The following LMBR1 variants were observed in gnomAD, a reference collection of about 807,000 sequenced individuals.
LMBR1 encodes the protein limb region 1 protein homolog.
Under a neutral mutation model 73.9 loss-of-function variants are expected in LMBR1, and 52 were observed. That is an observed-to-expected ratio of 0.70 (90% CI 0.56 to 0.89). LMBR1 has a LOEUF of 0.89. LMBR1 is among the 40% of genes least tolerant of loss of function. LMBR1 has a pLI of 0.00. For synonymous variants in LMBR1, 215 were observed against 209.4 expected (o/e 1.03, Z -0.23); for missense variants, 539 against 579.8 (o/e 0.93, Z 0.72).
chr7:156,822,088 A>C (rs966916782), intron 4 of LMBR1, among the ~76,000 whole-genome samples: 2 of 152,246 alleles, frequency 1.3e-5, no homozygotes, highest in African/African-American at 4.8e-5. Context: ...TTGCTTACGA[A>C]AACCTTCATA....
intron 5 of LMBR1, among the ~76,000 whole-genome samples, chr7:156,787,723 C>A (rs1290900483): frequency 1.3e-5 from 2 of 152,168 alleles, no homozygotes; most frequent in East Asian, 3.8e-4. Context: ...AAGTAACATT[C>A]CATGTCTAAG....
intron 15 of LMBR1, 38 bp downstream of exon 15, chr7:156,724,074 C>T (rs1585386694): frequency 6.7e-7 from 1 of 1,482,208 alleles, no homozygotes; most frequent in East Asian, 2.3e-5. Context: ...TTTTTAAAAA[C>T]ATGGATCTTT....
At chr7:156,762,230 G>A (rs1823189575) in intron 7 of LMBR1, 32 bp from the exon 8 acceptor site, 2 of 1,434,764 alleles carry the variant, frequency 1.4e-6, no homozygotes, top group African/African-American at 1.4e-5. Flanking sequence ...AAGACAGAAA[G>A]CGACATTATA....
intron 9 of LMBR1, among the ~76,000 whole-genome samples, chr7:156,751,986 G>A (rs1820985023): frequency 6.6e-6 from 1 of 152,180 alleles, no homozygotes; most frequent in Non-Finnish European, 1.5e-5. Context: ...GGGAGTAAAA[G>A]CAAATAGAGA....
intron 3 of LMBR1, among the ~76,000 whole-genome samples, chr7:156,832,614 T>A (rs1055632867): frequency 6.6e-6 from 1 of 152,162 alleles, no homozygotes; most frequent in Non-Finnish European, 1.5e-5. Context: ...GTATCAGTAC[T>A]TCATTTCTTT....
At chr7:156,676,088 C>G (rs1166110376), downstream of LMBR1, among the ~76,000 whole-genome samples, 1 of 151,812 alleles carries the variant, frequency 6.6e-6, no homozygotes, top group East Asian at 1.9e-4. Flanking sequence ...GCCCTAGCTG[C>G]CCCTGCACCT....
At chr7:156,806,537 G>C (rs1475353651) in intron 4 of LMBR1, among the ~76,000 whole-genome samples, 1 of 151,414 alleles carries the variant, frequency 6.6e-6, no homozygotes, top group Non-Finnish European at 1.5e-5. Context: ...CTGATCTCAG[G>C]GGGAAAGCAT....
chr7:156,772,948 A>T (rs564847408), intron 5 of LMBR1, among the ~76,000 whole-genome samples: 2 of 152,172 alleles, frequency 1.3e-5, no homozygotes, highest in African/African-American at 2.4e-5. Context: ...ATATAATTTC[A>T]TATCTAGAAA....
intron 1 of LMBR1, among the ~76,000 whole-genome samples, chr7:156,880,127 A>G (rs762598399): frequency 2.0e-5 from 3 of 152,270 alleles, no homozygotes; most frequent in African/African-American, 7.2e-5. Flanking sequence ...AAGTGGATAT[A>G]GAAACTGTGG....
At chr7:156,792,898 C>T (rs987214853) in intron 5 of LMBR1, among the ~76,000 whole-genome samples, 1 of 150,082 alleles carries the variant, frequency 6.7e-6, no homozygotes, top group Middle Eastern at 3.2e-3. Context: ...AAAACAGCAC[C>T]AGGAGGGTGG....
At chr7:156,829,571 C>T (rs749304174) in intron 3 of LMBR1, among the ~76,000 whole-genome samples, 5 of 152,258 alleles carry the variant, frequency 3.3e-5, no homozygotes, top group South Asian at 2.1e-4. Context: ...TGCAGAACTG[C>T]GAGCCAAATA....
intron 2 of LMBR1, among the ~76,000 whole-genome samples, chr7:156,835,096 C>T (rs1035174609): frequency 2.1e-4 from 32 of 152,050 alleles, no homozygotes; most frequent in Non-Finnish European, 3.7e-4. Context: ...GCCGAGATCA[C>T]GCCACTGCAC....
intron 1 of LMBR1, among the ~76,000 whole-genome samples, chr7:156,886,903 G>A (rs1281178742): frequency 6.6e-6 from 1 of 152,174 alleles, no homozygotes; most frequent in Admixed American, 6.5e-5. Context: ...TCAAAAGGGA[G>A]GGGGTATACT....
chr7:156,868,246 T>C (rs1798756707), intron 1 of LMBR1, among the ~76,000 whole-genome samples: 1 of 149,524 alleles, frequency 6.7e-6, no homozygotes, highest in African/African-American at 2.5e-5. Flanking sequence ...CAGGCTGGAG[T>C]GCAGGGGTGC....
chr7:156,681,033 T>C lies in LMBR1; in HGVS notation c.*3045A>G, dbSNP rs1804932380. The C allele has an allele frequency of 2.6e-6, 1 of 386,148 alleles. No homozygotes were observed. Among genetic ancestry groups the C allele is most frequent in the Non-Finnish European group, 4.9e-6 (1 of 205,244 alleles). The allele number at this position is 386,148 out of a possible 1,614,324, so 23.9% of individuals were successfully genotyped here. On this transcript the variant is annotated 3_prime_UTR_variant, in exon 17 of 17. Coordinates refer to ENST00000353442, the MANE Select transcript of LMBR1 (RefSeq NM_022458.4). The stretch of plus-strand genomic sequence containing the variant: ...CAAATGTTATTTTTAAAAGTTAACA[T>C]TATACCAGTTTTTTCAAGTTTAAAA...
chr7:156,768,368 A>C (rs1404546154), intron 5 of LMBR1, among the ~76,000 whole-genome samples: 3 of 152,240 alleles, frequency 2.0e-5, no homozygotes, highest in South Asian at 2.1e-4. Context: ...TCAAAAAAAA[A>C]CAAAAAAGTA....
chr7:156,845,316 A>AAG (rs754517486), intron 1 of LMBR1, among the ~76,000 whole-genome samples: 1 of 152,162 alleles, frequency 6.6e-6, no homozygotes, highest in Non-Finnish European at 1.5e-5. Flanking sequence ...GCAATGGAGC[A>AAG]AGATTCCGTC....
chr7:156,768,055 G>A (rs1001834067), intron 5 of LMBR1, among the ~76,000 whole-genome samples: 8 of 152,004 alleles, frequency 5.3e-5, no homozygotes, highest in African/African-American at 7.3e-5. Context: ...AGTACATAGC[G>A]CTTCATTGTT....
chr7:156,864,445 A>G (rs550274136), intron 1 of LMBR1, among the ~76,000 whole-genome samples: 2 of 152,350 alleles, frequency 1.3e-5, no homozygotes, highest in South Asian at 4.1e-4. Flanking sequence ...CTATGATGAT[A>G]TATTTTTAAA....
Sources: gnomAD v4.1 joint callset for allele counts (sites outside exome capture counted in the v4.1 genomes callset) on GRCh38, gnomAD v4.1.1 for gene constraint, MANE v1.5 for transcripts, NCBI Gene and HGNC (gene_info 2026-07-23, HGNC 2026-07-21) for gene names.